ANO1: variants seen among roughly 807,000 people sequenced by gnomAD.
ANO1 encodes anoctamin 1.
Under a neutral mutation model 124.0 loss-of-function variants are expected in ANO1, and 59 were observed. That is an observed-to-expected ratio of 0.48 (90% CI 0.39 to 0.59). The LOEUF (loss-of-function observed/expected upper bound fraction) is 0.59, where lower values mean the gene tolerates loss of function less well. Among genes scored for constraint, ANO1 ranks in the 20% least tolerant of loss-of-function variants. ANO1 has a pLI of 0.00. For synonymous variants in ANO1, 529 were observed against 532.0 expected (o/e 0.99, Z 0.08); for missense variants, 1,059 against 1,328.0 (o/e 0.80, Z 3.15).
chr11:70,023,104 G>T (rs916964933), intron 1 of ANO1, among the ~76,000 whole-genome samples: 2 of 152,244 alleles, frequency 1.3e-5, no homozygotes, highest in Non-Finnish European at 2.9e-5. Flanking sequence ...CTTTAGCCCA[G>T]TGAGATCCAT....
At chr11:69,970,697 C>A in the ANO1 span, among the ~76,000 whole-genome samples, 1 of 152,164 alleles carries the variant, frequency 6.6e-6, no homozygotes. Flanking sequence ...CAGTGAGAGG[C>A]AGAAATGCCA....
At chr11:70,055,957 A>G (rs1046904294) in intron 1 of ANO1, among the ~76,000 whole-genome samples, 1 of 152,006 alleles carries the variant, frequency 6.6e-6, no homozygotes, top group Non-Finnish European at 1.5e-5. Context: ...AATGCTTTTA[A>G]CTTCATTTAC....
At chr11:70,158,777 T>C (rs1369710078) in intron 16 of ANO1, among the ~76,000 whole-genome samples, 2 of 151,778 alleles carry the variant, frequency 1.3e-5, no homozygotes, top group East Asian at 3.9e-4. Context: ...CATAAAGAAG[T>C]CCAGAGGAGG....
chr11:70,116,533 G>T (rs200387111), intron 8 of ANO1, 34 bp downstream of exon 8: 3 of 1,571,690 alleles, frequency 1.9e-6, no homozygotes, highest in Non-Finnish European at 2.6e-6. Context: ...AGGTGGCTCT[G>T]TCAGAGCCTG....
intron 5 of ANO1, 65 bp from the exon 6 acceptor site, chr11:70,108,288 G>A: frequency 1.3e-6 from 2 of 1,526,326 alleles, no homozygotes; most frequent in East Asian, 2.3e-5. Context: ...AGCCACAGCA[G>A]ACTGTTTCTG....
intron 1 of ANO1, among the ~76,000 whole-genome samples, chr11:70,027,340 C>T (rs1489240570): frequency 1.3e-5 from 2 of 152,274 alleles, no homozygotes; most frequent in African/African-American, 4.8e-5. Flanking sequence ...CACACAAAGC[C>T]TATATTATAA....
At chr11:70,030,721 A>G (rs942106381) in intron 1 of ANO1, among the ~76,000 whole-genome samples, 1 of 152,146 alleles carries the variant, frequency 6.6e-6, no homozygotes, top group Non-Finnish European at 1.5e-5. Flanking sequence ...TAATGTCATC[A>G]TATCTATTAA....
At chr11:70,097,177 C>T (rs1317595144) in intron 2 of ANO1, among the ~76,000 whole-genome samples, 2 of 152,156 alleles carry the variant, frequency 1.3e-5, no homozygotes, top group African/African-American at 2.4e-5. Context: ...AGGACCAGAC[C>T]CCATGGCAAG....
intron 20 of ANO1, among the ~76,000 whole-genome samples, chr11:70,166,572 CT>C (rs2048263218): frequency 3.3e-5 from 5 of 152,168 alleles, no homozygotes; most frequent in Admixed American, 3.3e-4. Flanking sequence ...TGCTGGGTCT[CT>C]GGAGTCAAGA....
At chr11:70,112,165 T>C (rs1280695030) in intron 7 of ANO1, among the ~76,000 whole-genome samples, 1 of 152,142 alleles carries the variant, frequency 6.6e-6, no homozygotes, top group African/African-American at 2.4e-5. Flanking sequence ...CTGAGCTGAA[T>C]CTCCAGATCC....
Position 70,103,084 on chromosome 11 carries a change from G to A in ANO1, c.460G>A (p.Gly154Arg), listed in dbSNP as rs1282471123. 1.1e-5 allele frequency: 17 copies of A among 1,611,958 alleles called. No individual in the cohort carries two copies. Among genetic ancestry groups the A allele is most frequent in the Admixed American group, 5.0e-5 (3 of 59,754 alleles). ...TCTCCAGACTAAAATCCACGGAGTC[G>A]GGTTTGTGAAAATCCATGCCCCCTG... ...RDEDTKIHGVGFVKIHAPWNV... is the reference protein window; with the variant it reads ...RDEDTKIHGVRFVKIHAPWNV... Residue 154 changes from glycine (G) to arginine (R), a missense_variant, in exon 3 of 26, where the codon GGG (glycine) becomes AGG (arginine). Gly to Arg is a moderately radical substitution (Grantham distance 125). Transcript: ENST00000355303.
At chr11:69,982,835 A>T (rs1855970796), upstream of ANO1, among the ~76,000 whole-genome samples, 1 of 152,194 alleles carries the variant, frequency 6.6e-6, no homozygotes, top group Non-Finnish European at 1.5e-5. Flanking sequence ...CATGGCAGGC[A>T]TTCAAAGAGC....
At chr11:70,100,983 GA>G (rs1443061057) in intron 2 of ANO1, among the ~76,000 whole-genome samples, 1 of 152,196 alleles carries the variant, frequency 6.6e-6, no homozygotes, top group African/African-American at 2.4e-5. Context: ...AGGCCTCGTG[GA>G]CGCAGCCGGG....
At chr11:70,089,792 C>T (rs2044547147) in intron 2 of ANO1, among the ~76,000 whole-genome samples, 1 of 152,212 alleles carries the variant, frequency 6.6e-6, no homozygotes, top group Non-Finnish European at 1.5e-5. Context: ...GGTTTTCGCA[C>T]GGTCCTGCCC....
Position 70,067,323 on chromosome 11 carries a change from G to GGTTTTTTTT in ANO1, c.59-11219_59-11218insGTTTTTTTT, listed in dbSNP as rs1555008734. Among the ~76,000 whole-genome samples, 2 of 126,536 alleles carry GGTTTTTTTT rather than the reference G, an allele frequency of 1.6e-5. 1 individual carries two copies. The allele number at this position is 126,536 out of a possible 152,430, so 83.0% of individuals were successfully genotyped here. A position where few individuals can be genotyped will look rare whatever the true frequency, so the allele number is the denominator to read the frequency against. The stretch of plus-strand genomic sequence containing the variant: ...TCCAAGGGGACAAGGAATCGTGGGT[G>GGTTTTTTTT]TTTTTTTTTTTTTTTTTTTTTTGAG... On this transcript the variant is annotated intron_variant, in intron 1 of 27. Transcript: ENST00000531349.
chr11:70,023,410 C>T (rs12574965), intron 1 of ANO1, among the ~76,000 whole-genome samples: 24,273 of 152,262 alleles, frequency 0.16, 2,131 homozygotes, highest in African/African-American at 0.21. Context: ...GTTCATGGCA[C>T]GTCTTGTCAG....
intron 8 of ANO1, among the ~76,000 whole-genome samples, chr11:70,119,681 A>G (rs1195751253): frequency 2.1e-5 from 3 of 140,532 alleles, no homozygotes; most frequent in Non-Finnish European, 3.1e-5. Flanking sequence ...TGGATGATGG[A>G]TGGGTGGAGG....
rs551078036 is a variant in ANO1 at position 69,994,091 on chromosome 11, A to G, written c.58+7925A>G. Among the ~76,000 whole-genome samples, 99 of 71,156 alleles carry G rather than the reference A, an allele frequency of 1.4e-3. 1 individual carries two copies. Among genetic ancestry groups the G allele is most frequent in the South Asian group, 0.014 (17 of 1,254 alleles). 46.7% of individuals were successfully genotyped at this position (71,156 alleles called of 152,430 possible). On this transcript the variant is annotated intron_variant, in intron 1 of 27. Coordinates refer to the ANO1 transcript ENST00000531349. Reference sequence around the variant, plus strand: ...TTTGCCAATTTGATTTTACACCCCCAATTTGTCGTTAACCCCCCCCCACAG... The same window carrying G: ...TTTGCCAATTTGATTTTACACCCCCGATTTGTCGTTAACCCCCCCCCACAG...
chr11:70,035,520 C>CTATATATATATATATATATATA (rs34200982), intron 1 of ANO1, among the ~76,000 whole-genome samples: 54 of 147,728 alleles, frequency 3.7e-4, no homozygotes, highest in East Asian at 1.5e-3. Flanking sequence ...TAAGCTGTTG[C>CTATATATATATATATATATATA]TATATATATA....
Sources: gnomAD v4.1 joint callset for allele counts (sites outside exome capture counted in the v4.1 genomes callset) on GRCh38, gnomAD v4.1.1 for gene constraint, MANE v1.5 for transcripts, NCBI Gene and HGNC (gene_info 2026-07-23, HGNC 2026-07-21) for gene names.